The following NR6A1 variants were observed in gnomAD, a reference collection of about 807,000 sequenced individuals.
NR6A1 encodes nuclear receptor subfamily 6 group A member 1, also known as retinoic acid receptor-related testis-associated receptor.
NR6A1 carries 7 observed loss-of-function variants against 59.1 expected under a neutral mutation model. That is an observed-to-expected ratio of 0.12 (90% CI 0.07 to 0.22). The LOEUF is 0.22. Among genes scored for constraint, NR6A1 ranks in the 10% least tolerant of loss-of-function variants. The probability of loss-of-function intolerance (pLI) is 1.00; values close to 1 mark genes in which losing one functional copy is unlikely to be tolerated. For synonymous variants in NR6A1, 243 were observed against 236.1 expected, an observed-to-expected ratio of 1.03 and a Z score of -0.27; for missense variants, 468 against 611.6, an observed-to-expected ratio of 0.77 and a Z score of 2.48.
At chr9:124,522,913 T>A in intron 9 of NR6A1, 120 bp from the exon 10 acceptor site, 1 of 711,952 alleles carries the variant, frequency 1.4e-6, no homozygotes, top group South Asian at 1.6e-5. Flanking sequence ...GCAAGAGAAG[T>A]GCCAGGAGTA....
intron 1 of NR6A1, among the ~76,000 whole-genome samples, chr9:124,765,805 AG>A (rs1288660890): frequency 3.9e-5 from 6 of 152,228 alleles, no homozygotes; most frequent in Non-Finnish European, 8.8e-5. Flanking sequence ...GTTTAATAGC[AG>A]GTAACAAAGA....
chr9:124,635,373 C>T (rs960868549), intron 2 of NR6A1, among the ~76,000 whole-genome samples: 1 of 152,096 alleles, frequency 6.6e-6, no homozygotes, highest in African/African-American at 2.4e-5. Flanking sequence ...GTTGGTTTTC[C>T]CCATGCTGTT....
chr9:124,632,580 C>T lies in NR6A1; in HGVS notation c.143-78010G>A, dbSNP rs541337252. Among the ~76,000 whole-genome samples, 23 of 152,222 alleles carry T rather than the reference C, an allele frequency of 1.5e-4. 1 individual carries two copies. Among genetic ancestry groups the T allele is most frequent in the African/African-American group, 5.1e-4 (21 of 41,544 alleles). ...ATATTAGACCTTTGTCAGATTACTG[C>T]TTTCTTTTAGATTTAGGAGAAAGGA... On this transcript the variant is annotated intron_variant, in intron 2 of 9. Transcript: ENST00000487099.
intron 2 of NR6A1, among the ~76,000 whole-genome samples, chr9:124,713,906 G>C (rs761008724): frequency 6.6e-5 from 10 of 152,178 alleles, no homozygotes; most frequent in Admixed American, 2.0e-4. Flanking sequence ...CCAAAGAATT[G>C]AAAGTAGGGA....
At chr9:124,767,513 GA>G (rs951834728) in intron 1 of NR6A1, among the ~76,000 whole-genome samples, 4,409 of 76,530 alleles carry the variant, frequency 0.058, 162 homozygotes, top group African/African-American at 0.15. Context: ...TACAAAAAAA[GA>G]AAAAAAAAAA....
chr9:124,610,590 G>A (rs912915674), intron 2 of NR6A1, among the ~76,000 whole-genome samples: 1 of 152,080 alleles, frequency 6.6e-6, no homozygotes, highest in Non-Finnish European at 1.5e-5. Flanking sequence ...GCCAGGTTTT[G>A]GTATCAGGAT....
rs574406089 is a variant in NR6A1, at chr9:124,536,256, C to A, written c.825-124G>T. On this transcript the variant is annotated intron_variant, in intron 6 of 9. Coordinates refer to ENST00000487099, the MANE Select transcript of NR6A1 (RefSeq NM_033334.4). ...CAATGGGCTCCTTGCTCCATGCCCA[C>A]GGGTCTCCAGTTCCATTCAGTGTGA... 9 of 1,066,252 alleles carry A rather than the reference C, an allele frequency of 8.4e-6. No individual in the cohort carries two copies. The South Asian group carries it at 1.4e-4, about 16-fold the overall frequency. The allele number at this position is 1,066,252 out of a possible 1,614,324, so 66.0% of individuals were successfully genotyped here. A position where few individuals can be genotyped will look rare whatever the true frequency, so the allele number is the denominator to read the frequency against.
intron 2 of NR6A1, among the ~76,000 whole-genome samples, chr9:124,646,819 T>C (rs1024353225): frequency 1.4e-4 from 21 of 152,076 alleles, no homozygotes; most frequent in African/African-American, 4.6e-4. Flanking sequence ...CCAAAACACA[T>C]ACAAAAAAAT....
At chr9:124,715,806 T>C (rs547308799) in intron 2 of NR6A1, among the ~76,000 whole-genome samples, 1 of 152,312 alleles carries the variant, frequency 6.6e-6, no homozygotes, top group African/African-American at 2.4e-5. Context: ...AGATCTGTTA[T>C]AAAGTTATAG....
At chr9:124,542,669 T>C (rs1010503740) in intron 4 of NR6A1, among the ~76,000 whole-genome samples, 2 of 152,250 alleles carry the variant, frequency 1.3e-5, no homozygotes, top group Non-Finnish European at 2.9e-5. Context: ...TAAAACCTTT[T>C]AGTGGTTGCC....
chr9:124,645,593 T>A (rs1836907869), intron 2 of NR6A1, among the ~76,000 whole-genome samples: 1 of 152,098 alleles, frequency 6.6e-6, no homozygotes, highest in Non-Finnish European at 1.5e-5. Flanking sequence ...TAAGAAGACA[T>A]AACAATCCTA....
Position 124,660,763 on chromosome 9 carries a change from C to T in NR6A1, c.142+72545G>A, listed in dbSNP as rs141792117. ...TCTATTGTTGGAGTACATAAAGTCACGAGTCCCATGTGCTCGCTTTTCTCA... is the reference window on the plus strand; with the variant it reads ...TCTATTGTTGGAGTACATAAAGTCATGAGTCCCATGTGCTCGCTTTTCTCA... On this transcript the variant is annotated intron_variant, in intron 2 of 9. Coordinates refer to ENST00000487099, the MANE Select transcript of NR6A1 (RefSeq NM_033334.4). Among the ~76,000 whole-genome samples, 24 of 151,938 alleles carry T rather than the reference C, an allele frequency of 1.6e-4. No individual in the cohort carries two copies. The East Asian group carries it at 1.7e-3, about 11-fold the overall frequency.
intron 1 of NR6A1, among the ~76,000 whole-genome samples, chr9:124,762,461 A>AT (rs368586314): frequency 1.9e-3 from 282 of 152,236 alleles, no homozygotes; most frequent in African/African-American, 5.9e-3. Context: ...GTATATTGTG[A>AT]TTTTTTGTTG....
At chr9:124,599,413 T>C (rs1835381457) in intron 2 of NR6A1, 1 of 372,892 alleles carries the variant, frequency 2.7e-6, no homozygotes, top group African/African-American at 2.3e-5. Context: ...AAGCGATACA[T>C]GGTCTCAAAA....
At chr9:124,656,647 C>G (rs1215563500) in intron 2 of NR6A1, among the ~76,000 whole-genome samples, 9 of 152,094 alleles carry the variant, frequency 5.9e-5, no homozygotes, top group Admixed American at 4.6e-4. Flanking sequence ...GCCTGGCCAA[C>G]ATGGTGAAAC....
At chr9:124,725,396 A>T (rs904207487) in intron 2 of NR6A1, among the ~76,000 whole-genome samples, 13 of 151,270 alleles carry the variant, frequency 8.6e-5, no homozygotes, top group Non-Finnish European at 1.5e-4. Context: ...GGTATTTAAA[A>T]AAAAAGAAAA....
rs368368850 is a variant in NR6A1, at chr9:124,538,151, G to A, written c.765C>T (p.His255=). The change falls in exon 6 of 10, where the codon CAC becomes CAT. Residue 255 remains histidine, a synonymous_variant. Transcript: ENST00000487099. ...SLDPQSYSLI[H]QLLSAEDLEP... is the part of the protein sequence containing the mutation. ...CCAGGTCCTCGGCTGATAACAGCTG[G>A]TGAATCAGACTGTATGACTGGGGAT... 200 of 1,614,070 alleles carry A rather than the reference G, an allele frequency of 1.2e-4. No homozygotes were observed. The highest frequency in any genetic ancestry group is 1.7e-4 in the Non-Finnish European group (196 of 1,180,022).
At chr9:124,598,714 C>A in intron 2 of NR6A1, 2 of 652,268 alleles carry the variant, frequency 3.1e-6, no homozygotes, top group Non-Finnish European at 2.6e-6. Context: ...TTTATTGTTT[C>A]TCCTCAGCAT....
At chr9:124,649,233 C>CAAAAAAAAAAAAAAAAA (rs78432505) in intron 2 of NR6A1, among the ~76,000 whole-genome samples, 2 of 41,412 alleles carry the variant, frequency 4.8e-5, no homozygotes, top group African/African-American at 1.8e-4. Context: ...GGTACTGGCA[C>CAAAAAAAAAAAAAAAAA]AAAAAAAAAA....
Sources: allele counts gnomAD v4.1 joint callset (sites outside exome capture counted in the v4.1 genomes callset), GRCh38; gene constraint gnomAD v4.1.1; transcripts MANE v1.5; gene names NCBI Gene and HGNC (gene_info 2026-07-23, HGNC 2026-07-21).